SEL1L2: variants seen among roughly 807,000 people sequenced by gnomAD.
SEL1L2 encodes the protein protein sel-1 homolog 2.
In SEL1L2, 89 loss-of-function variants were observed where a neutral mutation model predicts 98.8. The ratio of observed to expected loss-of-function variants is 0.90; its 90% CI spans 0.76 to 1.07. The LOEUF (loss-of-function observed/expected upper bound fraction) is 1.07. Among genes scored for constraint, SEL1L2 ranks in the 50% least tolerant of loss-of-function variants. The probability of loss-of-function intolerance (pLI) is 0.00; values close to 1 mark genes in which losing one functional copy is unlikely to be tolerated. For missense variants in SEL1L2, 788 were observed against 812.0 expected, an observed-to-expected ratio of 0.97 and a Z score of 0.36; for synonymous variants, 262 against 278.5, an observed-to-expected ratio of 0.94 and a Z score of 0.59.
intron 1 of SEL1L2, among the ~76,000 whole-genome samples, chr20:13,983,022 T>TAAAAAA (rs2051922149): frequency 8.6e-4 from 1 of 1,162 alleles, no homozygotes; most frequent in Admixed American, 0.01. Context: ...AGACTCCATC[T>TAAAAAA]CAAAAAAAAA....
chr20:13,855,466 C>T (rs1473329731), intron 18 of SEL1L2, among the ~76,000 whole-genome samples: 1 of 152,074 alleles, frequency 6.6e-6, no homozygotes, highest in South Asian at 2.1e-4. Context: ...AAAGGTTATA[C>T]TTTATCAAGA....
chr20:13,959,159 C>T (rs35882808), intron 1 of SEL1L2, among the ~76,000 whole-genome samples: 32,271 of 151,942 alleles, frequency 0.21, 3,907 homozygotes, highest in African/African-American at 0.33. Flanking sequence ...ATGAGCTGAA[C>T]GAAGATTTGA....
chr20:13,979,125 G>A (rs2148541561), intron 1 of SEL1L2, among the ~76,000 whole-genome samples: 1 of 152,250 alleles, frequency 6.6e-6, no homozygotes, highest in Non-Finnish European at 1.5e-5. Context: ...TGAGCCCAGA[G>A]GACATAATGT....
chr20:13,939,547 A>G (rs2050717081), intron 2 of SEL1L2, among the ~76,000 whole-genome samples: 1 of 152,164 alleles, frequency 6.6e-6, no homozygotes, highest in Admixed American at 6.5e-5. Flanking sequence ...TTATTCTTTA[A>G]TAGAATTTCA....
At chr20:13,983,440 G>GA (rs1260764256) in intron 1 of SEL1L2, among the ~76,000 whole-genome samples, 4 of 151,692 alleles carry the variant, frequency 2.6e-5, no homozygotes, top group South Asian at 2.1e-4. Context: ...CAGAGAGAGG[G>GA]AAAAAAAGTG....
intron 4 of SEL1L2, among the ~76,000 whole-genome samples, chr20:13,914,351 G>A (rs1202080329): frequency 6.6e-6 from 1 of 152,072 alleles, no homozygotes; most frequent in Non-Finnish European, 1.5e-5. Flanking sequence ...AATAAATTCT[G>A]AAAAATATAA....
intron 13 of SEL1L2, 78 bp downstream of exon 13, chr20:13,870,063 C>T (rs759480424): frequency 9.6e-7 from 1 of 1,045,718 alleles, no homozygotes; most frequent in Non-Finnish European, 1.5e-6. Flanking sequence ...AGATAAATTC[C>T]TTTAAACTAA....
At chr20:13,940,445 A>C (rs932060782) in intron 2 of SEL1L2, among the ~76,000 whole-genome samples, 54 of 152,348 alleles carry the variant, frequency 3.5e-4, no homozygotes, top group African/African-American at 1.3e-3. Context: ...GTGTGAGCCA[A>C]GGAAAAAATT....
At chr20:13,915,917 G>A (rs1364276518) in intron 4 of SEL1L2, among the ~76,000 whole-genome samples, 1 of 152,176 alleles carries the variant, frequency 6.6e-6, no homozygotes, top group Admixed American at 6.5e-5. Context: ...GGTGATGGGG[G>A]AGGAAGGGCT....
At chr20:13,946,694 C>T (rs147026848) in intron 2 of SEL1L2, among the ~76,000 whole-genome samples, 3,831 of 152,336 alleles carry the variant, frequency 0.025, 68 homozygotes, top group Middle Eastern at 0.051. Flanking sequence ...CGCCCAGCTG[C>T]GGCTGCAGAC....
Position 13,956,135 on chromosome 20 carries a change from C to A in SEL1L2, c.59-4G>T. 6.8e-7 allele frequency: 1 copy of A among 1,466,916 alleles called. No homozygotes were observed. The highest frequency in any genetic ancestry group is 9.3e-7 in the Non-Finnish European group (1 of 1,079,066). 90.9% of individuals were successfully genotyped at this position (1,466,916 alleles called of 1,614,324 possible). On this transcript the variant is annotated splice_polypyrimidine_tract_variant and splice_region_variant and intron_variant, in intron 1 of 19. Transcript: ENST00000284951. ...TTATGTTCCTCTGCTTTGATAGCTG[C>A]AATACACAAAATTTTTTTATAAAAT...
chr20:13,875,892 C>G, intron 12 of SEL1L2, 146 bp downstream of exon 12: 1 of 665,400 alleles, frequency 1.5e-6, no homozygotes, highest in South Asian at 1.9e-5. Context: ...ACTCCCATCA[C>G]CAGTATTATA....
At chr20:13,980,953 A>G (rs78307517) in intron 1 of SEL1L2, among the ~76,000 whole-genome samples, 2,905 of 152,290 alleles carry the variant, frequency 0.019, 37 homozygotes, top group Non-Finnish European at 0.032. Context: ...ATAAAAATAG[A>G]GAGTAGAGGC....
rs763938326 is a variant in SEL1L2 at position 13,849,504 on chromosome 20, A to G, written c.2048T>C (p.Leu683Pro). 6.2e-7 allele frequency: 1 copy of G among 1,614,056 alleles called. No individual in the cohort carries two copies. Among genetic ancestry groups the G allele is most frequent in the Non-Finnish European group, 8.5e-7 (1 of 1,179,954 alleles). ...GLIVPGLILL[L>P]RNHHG The stretch of plus-strand genomic sequence containing the variant: ...CGCATCCTACCCATGGTGATTTCTA[A>G]GCAACAAAATCAGCCCAGGAACAAT... The change falls in exon 20 of 20, where the codon CTT becomes CCT. Residue 683 changes from leucine to proline, a missense_variant. Coordinates refer to ENST00000284951, the MANE Select transcript of SEL1L2 (RefSeq NM_025229.2).
chr20:13,939,058 T>TTTTTTTTTTTTG (rs2049617601), intron 2 of SEL1L2, among the ~76,000 whole-genome samples: 3 of 119,188 alleles, frequency 2.5e-5, no homozygotes, highest in Admixed American at 1.7e-4. Flanking sequence ...TTTTTTTTTT[T>TTTTTTTTTTTTG]TCTGAGATGG....
chr20:13,893,068 G>A (rs1226155125), intron 5 of SEL1L2, among the ~76,000 whole-genome samples: 1 of 152,086 alleles, frequency 6.6e-6, no homozygotes, highest in Non-Finnish European at 1.5e-5. Context: ...AGACCACCTG[G>A]TGCCTCCCAA....
At chr20:13,975,087 GT>G (rs567069209) in intron 1 of SEL1L2, among the ~76,000 whole-genome samples, 1 of 151,712 alleles carries the variant, frequency 6.6e-6, no homozygotes, top group African/African-American at 2.4e-5. Context: ...TAAGAACCAG[GT>G]TTTTTTTACT....
intron 2 of SEL1L2, among the ~76,000 whole-genome samples, chr20:13,943,665 T>C (rs1431741238): frequency 6.6e-6 from 1 of 152,156 alleles, no homozygotes; most frequent in East Asian, 1.9e-4. Context: ...CTGAGAACTA[T>C]ACAAAAAAGT....
intron 5 of SEL1L2, among the ~76,000 whole-genome samples, chr20:13,905,160 G>C (rs903633549): frequency 6.6e-6 from 1 of 152,086 alleles, no homozygotes; most frequent in Non-Finnish European, 1.5e-5. Flanking sequence ...CTAACAATGG[G>C]TGATTTTGAA....
Sources: allele counts gnomAD v4.1 joint callset (sites outside exome capture counted in the v4.1 genomes callset), GRCh38; gene constraint gnomAD v4.1.1; transcripts MANE v1.5; gene names NCBI Gene and HGNC (gene_info 2026-07-23, HGNC 2026-07-21).